Variants in PLEKHH1 observed in about 807,000 individuals in gnomAD.
PLEKHH1 encodes pleckstrin homology domain-containing family H member 1.
In PLEKHH1, 104 loss-of-function variants were observed where a neutral mutation model predicts 160.0. The observed-to-expected ratio is 0.65, with a 90% CI of 0.55 to 0.76. PLEKHH1 has a LOEUF of 0.76. Among genes scored for constraint, PLEKHH1 ranks in the 30% least tolerant of loss-of-function variants. PLEKHH1 has a pLI of 0.00. For missense variants in PLEKHH1, 1,427 were observed against 1,724.1 expected (o/e 0.83, Z 3.05); for synonymous variants, 619 against 678.4 (o/e 0.91, Z 1.36).
intron 9 of PLEKHH1, 75 bp downstream of exon 9, chr14:67,570,087 G>A (rs926437398): frequency 1.5e-5 from 15 of 1,014,030 alleles, no homozygotes; most frequent in East Asian, 2.6e-5. Flanking sequence ...TGACTGGGGC[G>A]GGGCTCTAGG....
chr14:67,533,470 C>G (rs946709415), intron 1 of PLEKHH1, 72 bp downstream of exon 1: 6 of 151,900 alleles, frequency 3.9e-5, no homozygotes, highest in African/African-American at 1.5e-4. Flanking sequence ...AGGCTGCGCG[C>G]GGGGGACGGC....
intron 1 of PLEKHH1, chr14:67,533,621 C>T (rs2033561994): frequency 6.6e-6 from 1 of 152,142 alleles, no homozygotes; most frequent in Non-Finnish European, 1.5e-5. Context: ...CAGGAGGAGC[C>T]TCCCCCGGGA....
chr14:67,562,285 T>G lies in PLEKHH1; in HGVS notation c.654T>G (p.Pro218=). The G allele has an allele frequency of 6.2e-7, 1 of 1,613,822 alleles. No homozygotes were observed. Among genetic ancestry groups the G allele is most frequent in the Non-Finnish European group, 8.5e-7 (1 of 1,179,816 alleles). Residue 218 remains proline, a synonymous_variant, in exon 7 of 29, where the codon CCT becomes CCG. Coordinates refer to ENST00000329153, the MANE Select transcript of PLEKHH1 (RefSeq NM_020715.3). ...GTCTGAAGGCAGCTGTGCTTGCACCTTCCCCAGGTGCCCTGCAGAGCAAGG... is the reference window on the plus strand; with the variant it reads ...GTCTGAAGGCAGCTGTGCTTGCACCGTCCCCAGGTGCCCTGCAGAGCAAGG... ...AQGLKAAVLA[P]SPGALQSKDS...
In PLEKHH1 at chr14:67,570,230, G is replaced by GTC. The variant is rs537917119; in HGVS notation, c.1434+219_1434+220insCT. 3.9e-3 allele frequency: 1,740 copies of GTC among 448,734 alleles called. 7 individuals carry two copies. Among genetic ancestry groups the GTC allele is most frequent in the Non-Finnish European group, 4.8e-3 (1,633 of 339,542 alleles). 27.8% of individuals were successfully genotyped at this position (448,734 alleles called of 1,614,324 possible). On this transcript the variant is annotated intron_variant, in intron 9 of 28. Transcript: ENST00000329153. ...GTGAATCAGTATGAACGTGGACAAG[G>GTC]TAAGAAGGTTAAGCCTATGCCCGCT...
intron 21 of PLEKHH1, 159 bp from the exon 22 acceptor site, chr14:67,579,562 T>C (rs376584218): frequency 1.4e-6 from 1 of 710,238 alleles, no homozygotes; most frequent in African/African-American, 1.8e-5. Context: ...ACATCCCTCA[T>C]GCACTGGCCC....
Position 67,573,906 on chromosome 14 carries a change from G to A in PLEKHH1, c.1926+19G>A. On this transcript the variant is annotated intron_variant, in intron 13 of 28. Transcript: ENST00000329153. This position sits in a 1 kb window ranked among gnomAD's most constrained non-coding sequence, Gnocchi z 4.8. Reference sequence around the variant, plus strand: ...GTTTCAGGTGAGCACGCTCCTGGCTGCTAGTATTTTAAACAGAAGAGGTGC... The same window carrying A: ...GTTTCAGGTGAGCACGCTCCTGGCTACTAGTATTTTAAACAGAAGAGGTGC... The A allele has an allele frequency of 6.3e-7, 1 of 1,582,114 alleles. No homozygotes were observed. The highest frequency in any genetic ancestry group is 8.7e-7 in the Non-Finnish European group (1 of 1,150,804).
At position 67,543,484 on chromosome 14, in the gene PLEKHH1, C is replaced by G. The variant is rs1366076279; in HGVS notation, c.126+1491C>G. 4.6e-5 allele frequency among the ~76,000 whole-genome samples: 7 copies of G among 152,314 alleles called. No individual in the cohort carries two copies. The East Asian group carries it at 1.3e-3, about 29-fold the overall frequency. ...TAGACAGTGATTCTCAAAGTGTGGT[C>G]AGAACCGTTTGGCCAGAACCACGTA... On this transcript the variant is annotated intron_variant, in intron 2 of 28. Coordinates refer to ENST00000329153, the MANE Select transcript of PLEKHH1 (RefSeq NM_020715.3).
At chr14:67,550,099 G>A (rs1019610836) in intron 2 of PLEKHH1, among the ~76,000 whole-genome samples, 3 of 147,910 alleles carry the variant, frequency 2.0e-5, no homozygotes, top group Non-Finnish European at 3.0e-5. Context: ...CTCCGTATTT[G>A]TGTATTTTAT....
chr14:67,552,902 A>C, intron 2 of PLEKHH1, among the ~76,000 whole-genome samples: 1 of 152,250 alleles, frequency 6.6e-6, no homozygotes. Flanking sequence ...GTGCCTTGCC[A>C]TTCAATCTAC....
intron 1 of PLEKHH1, among the ~76,000 whole-genome samples, chr14:67,539,391 C>T (rs1184462225): frequency 6.6e-6 from 1 of 152,150 alleles, no homozygotes; most frequent in Admixed American, 6.5e-5. Context: ...GGGAGAGCAG[C>T]GCTGAAGTCA....
intron 8 of PLEKHH1, among the ~76,000 whole-genome samples, 154 bp downstream of exon 8, chr14:67,569,370 C>T (rs978557823): frequency 6.8e-6 from 1 of 146,246 alleles, no homozygotes; most frequent in East Asian, 1.9e-4. Flanking sequence ...GAAATCACAG[C>T]AAGTCCCACC....
rs1243964429 is a variant in PLEKHH1, at chr14:67,578,051, T to C, written c.2603T>C (p.Val868Ala). 1.2e-6 allele frequency: 2 copies of C among 1,613,740 alleles called. No individual in the cohort carries two copies. The highest frequency in any genetic ancestry group is 2.2e-5 in the East Asian group (1 of 44,890). Residue 868 changes from valine (V) to alanine (A), a missense_variant, in exon 19 of 29, where the codon GTG (valine) becomes GCG (alanine). Val to Ala is a moderately conservative substitution (Grantham distance 64). Transcript: ENST00000329153. This position sits in a 1 kb window ranked among gnomAD's most constrained non-coding sequence, Gnocchi z 5.0. ...TGCCAGCTCTTCATCAACGTGCCGG[T>C]GGAAGCTGCCTCGGTGGACTACCAT... ...KSCQLFINVP[V>A]EAASVDYHVS...
intron 7 of PLEKHH1, among the ~76,000 whole-genome samples, chr14:67,567,710 A>T (rs1423464230): frequency 1.3e-5 from 2 of 151,912 alleles, no homozygotes; most frequent in Non-Finnish European, 2.9e-5. Flanking sequence ...CCCCTCTGGG[A>T]TGACACCCTG....
At chr14:67,579,085 T>C in intron 20 of PLEKHH1, 49 bp from the exon 21 acceptor site, 2 of 1,363,510 alleles carry the variant, frequency 1.5e-6, no homozygotes, top group Middle Eastern at 3.6e-4. Flanking sequence ...GGTGCCAAAG[T>C]GGCAGAGATG....
chr14:67,589,526 T>G lies in PLEKHH1; in HGVS notation c.*2291T>G, dbSNP rs1487690521. 1.0e-6 allele frequency: 1 copy of G among 985,080 alleles called. No individual in the cohort carries two copies. Among genetic ancestry groups the G allele is most frequent in the Admixed American group, 6.2e-5 (1 of 16,258 alleles). 61.0% of individuals were successfully genotyped at this position (985,080 alleles called of 1,614,324 possible). On this transcript the variant is annotated 3_prime_UTR_variant, in exon 29 of 29. Coordinates refer to ENST00000329153, the MANE Select transcript of PLEKHH1 (RefSeq NM_020715.3). ...TTTGTCAATAAAAAGCAGCTATCTG[T>G]GAACCAGGTAACTGTGTGTTTTGGA...
intron 2 of PLEKHH1, among the ~76,000 whole-genome samples, chr14:67,542,681 T>C (rs890732768): frequency 1.3e-5 from 2 of 148,432 alleles, no homozygotes; most frequent in African/African-American, 5.2e-5. Flanking sequence ...ACATTCTATT[T>C]TATTTTATTT....
In PLEKHH1 at chr14:67,573,229, C is replaced by A. The variant is rs1445792221; in HGVS notation, c.1729-47C>A. 2.5e-6 allele frequency: 3 copies of A among 1,191,560 alleles called. No homozygotes were observed. The highest frequency in any genetic ancestry group is 1.9e-4 in the Middle Eastern group (1 of 5,334). The allele number at this position is 1,191,560 out of a possible 1,614,324, so 73.8% of individuals were successfully genotyped here. A position where few individuals can be genotyped will look rare whatever the true frequency, so the allele number is the denominator to read the frequency against. On this transcript the variant is annotated intron_variant, in intron 11 of 28. Coordinates refer to ENST00000329153, the MANE Select transcript of PLEKHH1 (RefSeq NM_020715.3). The surrounding 1 kb of genome is among the most constrained non-coding windows in gnomAD (Gnocchi z 4.8). Reference sequence around the variant, plus strand: ...CTTGGACCTGTGTGATGTCTAGGAGCCCTGAGTGATTTCCCCTTTCTTCAT... The same window carrying A: ...CTTGGACCTGTGTGATGTCTAGGAGACCTGAGTGATTTCCCCTTTCTTCAT...
chr14:67,572,324 G>A (rs71421378), intron 11 of PLEKHH1, 47 bp downstream of exon 11: 15 of 1,523,030 alleles, frequency 9.8e-6, no homozygotes, highest in Non-Finnish European at 1.3e-5. Flanking sequence ...GAATGCAGCA[G>A]AGGCTGCTGG....
intron 28 of PLEKHH1, chr14:67,586,477 G>A: frequency 8.4e-7 from 1 of 1,189,600 alleles, no homozygotes; most frequent in East Asian, 5.5e-5. Context: ...GTTACCCCTG[G>A]GTTCTGCTGA....
Sources: allele counts gnomAD v4.1 joint callset (sites outside exome capture counted in the v4.1 genomes callset), GRCh38; gene constraint gnomAD v4.1.1; non-coding constraint Gnocchi (gnomAD v3.1); transcripts MANE v1.5; gene names NCBI Gene and HGNC (gene_info 2026-07-23, HGNC 2026-07-21).